The following ARHGAP32 variants were observed in gnomAD, a reference collection of about 807,000 sequenced individuals.
ARHGAP32 encodes rho GTPase-activating protein 32.
ARHGAP32 carries 51 observed loss-of-function variants against 186.5 expected under a neutral mutation model. That is an observed-to-expected ratio of 0.27 (90% CI 0.22 to 0.35). The LOEUF (loss-of-function observed/expected upper bound fraction) is 0.35. Ranked by LOEUF, ARHGAP32 falls within the 10% of genes least tolerant of loss-of-function variation. The pLI is 1.00. For missense variants in ARHGAP32, 2,186 were observed against 2,623.5 expected, an observed-to-expected ratio of 0.83 and a Z score of 3.64; for synonymous variants, 950 against 964.3, an observed-to-expected ratio of 0.99 and a Z score of 0.27.
intron 1 of ARHGAP32, among the ~76,000 whole-genome samples, chr11:129,231,725 T>A (rs942105247): frequency 2.0e-5 from 3 of 152,090 alleles, no homozygotes; most frequent in Middle Eastern, 3.2e-3. Flanking sequence ...CAGAATTCCC[T>A]AGAGTCAGCT....
At position 128,965,883 on chromosome 11, in the gene ARHGAP32, AAC is replaced by A. The variant is rs1254179926; in HGVS notation, c.*3022_*3023del. The A allele has an allele frequency of 1.4e-4, 22 of 152,306 alleles. No individual in the cohort carries two copies. Among genetic ancestry groups the A allele is most frequent in the African/African-American group, 5.1e-4 (21 of 41,562 alleles). The allele number at this position is 152,306 out of a possible 1,614,324, so 9.4% of individuals were successfully genotyped here. On this transcript the variant is annotated 3_prime_UTR_variant, in exon 23 of 23. Coordinates refer to ENST00000682385, the MANE Select transcript of ARHGAP32 (RefSeq NM_001378024.1). ...TCCTCCGTCCCCACTCACGTTAGTT[AAC>A]AGTCCCTCCTCTCTACAGAATTAGT...
rs144396080 is a variant in ARHGAP32 at position 129,246,325 on chromosome 11, C to T, written c.-5+32821G>A. On this transcript the variant is annotated intron_variant, in intron 1 of 6. Coordinates refer to the ARHGAP32 transcript ENST00000525234. ...AGGTCAAAAATTTCAACCAAAGTAT[C>T]ATCAAATAAGGGACTCAGTTAGAAA... Among the ~76,000 whole-genome samples, 1,307 of 152,216 alleles carry T rather than the reference C, an allele frequency of 8.6e-3. 9 individuals are homozygous for T. The highest frequency in any genetic ancestry group is 0.012 in the Non-Finnish European group (828 of 68,008).
chr11:129,195,101 T>A (rs1009785084), upstream of ARHGAP32, among the ~76,000 whole-genome samples: 7 of 152,064 alleles, frequency 4.6e-5, no homozygotes, highest in Non-Finnish European at 4.4e-5. Flanking sequence ...CCCAAGCAGC[T>A]GGGATTATAA....
At chr11:129,258,762 C>T (rs1427726156) in intron 1 of ARHGAP32, among the ~76,000 whole-genome samples, 1 of 152,172 alleles carries the variant, frequency 6.6e-6, no homozygotes, top group Non-Finnish European at 1.5e-5. Flanking sequence ...CTATGATGAA[C>T]AAATTCTCCA....
intron 5 of ARHGAP32, among the ~76,000 whole-genome samples, chr11:129,110,893 T>G (rs2135338650): frequency 6.6e-6 from 1 of 152,344 alleles, no homozygotes; most frequent in East Asian, 1.9e-4. Flanking sequence ...TTTAACTTCC[T>G]CTTTTCCAAT....
intron 1 of ARHGAP32, among the ~76,000 whole-genome samples, chr11:129,191,327 G>T (rs2135554114): frequency 6.6e-6 from 1 of 152,202 alleles, no homozygotes; most frequent in African/African-American, 2.4e-5. Flanking sequence ...AACTCTGAAA[G>T]AAAAAGAAAA....
At chr11:129,259,463 T>TCA (rs1334935848) in intron 1 of ARHGAP32, among the ~76,000 whole-genome samples, 6 of 151,958 alleles carry the variant, frequency 3.9e-5, no homozygotes, top group African/African-American at 1.4e-4. Context: ...TATTCCTCTC[T>TCA]CACACACACA....
chr11:129,243,472 T>G (rs188634530), intron 1 of ARHGAP32, among the ~76,000 whole-genome samples: 3 of 152,212 alleles, frequency 2.0e-5, no homozygotes, highest in Non-Finnish European at 4.4e-5. Context: ...CAAATGTTTC[T>G]GAATAATAAG....
intron 6 of ARHGAP32, among the ~76,000 whole-genome samples, chr11:129,078,679 G>C (rs1433276110): frequency 1.3e-5 from 2 of 151,942 alleles, no homozygotes; most frequent in African/African-American, 4.8e-5. Context: ...TTTTAGTAGA[G>C]ACAGGGTTTC....
chr11:128,996,397 C>T (rs964663964), intron 12 of ARHGAP32, among the ~76,000 whole-genome samples: 1 of 151,856 alleles, frequency 6.6e-6, no homozygotes, highest in Non-Finnish European at 1.5e-5. Flanking sequence ...GTCTATGGTA[C>T]CTCTCCCTCT....
chr11:129,228,143 C>G (rs1944810468), intron 1 of ARHGAP32, among the ~76,000 whole-genome samples: 2 of 152,044 alleles, frequency 1.3e-5, no homozygotes, highest in Admixed American at 1.3e-4. Flanking sequence ...AAAAAGAATT[C>G]AGATGGGAAA....
chr11:129,150,646 C>A (rs1008302883), intron 2 of ARHGAP32, among the ~76,000 whole-genome samples: 1 of 152,010 alleles, frequency 6.6e-6, no homozygotes, highest in Non-Finnish European at 1.5e-5. Flanking sequence ...GAGATAAAGT[C>A]TTTTTCAGAC....
intron 12 of ARHGAP32, 54 bp downstream of exon 12, chr11:128,998,265 C>T (rs1946256394): frequency 7.2e-7 from 1 of 1,397,390 alleles, no homozygotes; most frequent in African/African-American, 1.4e-5. Context: ...TTATAGCAAA[C>T]CAATATGGAG....
At chr11:129,031,263 A>G (rs1939102859) in intron 11 of ARHGAP32, among the ~76,000 whole-genome samples, 1 of 152,204 alleles carries the variant, frequency 6.6e-6, no homozygotes, top group Admixed American at 6.5e-5. Flanking sequence ...AACACAAATC[A>G]ATAAATAACA....
chr11:129,113,529 T>C (rs746585588), intron 5 of ARHGAP32, among the ~76,000 whole-genome samples: 6 of 152,130 alleles, frequency 3.9e-5, no homozygotes, highest in Admixed American at 6.6e-5. Flanking sequence ...TATTTATATA[T>C]ATATTTTGCA....
rs9331713 is a variant in ARHGAP32, at chr11:129,138,296, T to TAA, written c.226-13404_226-13403dup. ...TAAGCCACAAGTATACCCTTACTGGTAAAAAAAAAAAAAAAAAAAGAACAA... is the reference window on the plus strand; with the variant it reads ...TAAGCCACAAGTATACCCTTACTGGTAAAAAAAAAAAAAAAAAAAAAGAACAA... On this transcript the variant is annotated intron_variant, in intron 2 of 22. Transcript: ENST00000682385. Among the ~76,000 whole-genome samples the TAA allele has an allele frequency of 7.1e-3, 366 of 51,652 alleles. 3 individuals are homozygous for TAA. The highest frequency in any genetic ancestry group is 0.026 in the African/African-American group (316 of 12,156). 33.9% of individuals were successfully genotyped at this position (51,652 alleles called of 152,430 possible). A position where few individuals can be genotyped will look rare whatever the true frequency, so the allele number is the denominator to read the frequency against.
At chr11:129,019,437 C>T (rs1938499280) in intron 11 of ARHGAP32, among the ~76,000 whole-genome samples, 1 of 152,186 alleles carries the variant, frequency 6.6e-6, no homozygotes, top group Admixed American at 6.5e-5. Context: ...AAAATATAAA[C>T]AAGTCTCTAA....
intron 10 of ARHGAP32, among the ~76,000 whole-genome samples, chr11:129,048,207 T>C (rs1050531636): frequency 6.6e-6 from 1 of 152,180 alleles, no homozygotes; most frequent in Non-Finnish European, 1.5e-5. Flanking sequence ...CAGCCGGATA[T>C]GCAGGTTTGA....
chr11:129,256,272 C>T (rs1945252973), intron 1 of ARHGAP32, among the ~76,000 whole-genome samples: 1 of 151,736 alleles, frequency 6.6e-6, no homozygotes, highest in African/African-American at 2.4e-5. Flanking sequence ...TGCACGTACT[C>T]AACATGTGTA....
Sources: allele counts gnomAD v4.1 joint callset (sites outside exome capture counted in the v4.1 genomes callset), GRCh38; gene constraint gnomAD v4.1.1; transcripts MANE v1.5; gene names NCBI Gene and HGNC (gene_info 2026-07-23, HGNC 2026-07-21).